TRAPPC9: variants seen among roughly 807,000 people sequenced by gnomAD.
TRAPPC9 encodes the protein trafficking protein particle complex subunit 9.
A neutral mutation model predicts 124.0 loss-of-function variants in TRAPPC9; 83 were observed. The ratio of observed to expected loss-of-function variants is 0.67; its 90% CI spans 0.56 to 0.80. The LOEUF (loss-of-function observed/expected upper bound fraction) is 0.80, where lower values mean the gene tolerates loss of function less well. Ranked by LOEUF, TRAPPC9 falls within the 30% of genes least tolerant of loss-of-function variation. The probability of loss-of-function intolerance (pLI) is 0.00; values close to 1 mark genes in which losing one functional copy is unlikely to be tolerated. For missense variants in TRAPPC9, 1,302 were observed against 1,508.3 expected, an observed-to-expected ratio of 0.86 and a Z score of 2.27; for synonymous variants, 638 against 617.5, an observed-to-expected ratio of 1.03 and a Z score of -0.49.
chr8:139,904,486 C>G (rs61104742), intron 20 of TRAPPC9: 37,547 of 152,152 alleles, frequency 0.25, 4,690 homozygotes, highest in East Asian at 0.36. Context: ...GGGCAAGGGG[C>G]ATTCACCTTT....
chr8:139,877,251 G>A (rs986197398), intron 21 of TRAPPC9, among the ~76,000 whole-genome samples: 2 of 152,246 alleles, frequency 1.3e-5, no homozygotes, highest in African/African-American at 2.4e-5. Flanking sequence ...TGGCACAGTC[G>A]TGGGACACTC....
At chr8:139,773,217 G>A (rs1821107848) in intron 21 of TRAPPC9, among the ~76,000 whole-genome samples, 1 of 152,246 alleles carries the variant, frequency 6.6e-6, no homozygotes. Context: ...GGCGCGCCCA[G>A]GTCTCTGCCT....
At chr8:140,432,425 C>T (rs1207826719) in intron 4 of TRAPPC9, among the ~76,000 whole-genome samples, 1 of 152,166 alleles carries the variant, frequency 6.6e-6, no homozygotes, top group Non-Finnish European at 1.5e-5. Context: ...GAAGAAAACT[C>T]GAGCATCTGG....
At chr8:139,911,098 C>T (rs986240533) in intron 19 of TRAPPC9, 2 of 152,052 alleles carry the variant, frequency 1.3e-5, no homozygotes, top group Non-Finnish European at 2.9e-5. Context: ...TCCCGCAATT[C>T]CCGTGTGTTG....
intron 20 of TRAPPC9, among the ~76,000 whole-genome samples, chr8:139,890,046 C>T (rs556743089): frequency 5.9e-5 from 9 of 152,374 alleles, no homozygotes; most frequent in African/African-American, 1.2e-4. Flanking sequence ...CGGAGGCCGC[C>T]GCCCCGGGCC....
chr8:139,918,300 T>C (rs1832276113), intron 19 of TRAPPC9, among the ~76,000 whole-genome samples: 1 of 152,214 alleles, frequency 6.6e-6, no homozygotes, highest in Admixed American at 6.5e-5. Flanking sequence ...AGGGATGGTG[T>C]GCTCTGAGCA....
intron 7 of TRAPPC9, among the ~76,000 whole-genome samples, chr8:140,379,559 A>G (rs1224760759): frequency 6.6e-6 from 1 of 152,226 alleles, no homozygotes; most frequent in Non-Finnish European, 1.5e-5. Context: ...TTTAAGGTGA[A>G]GCAAACATGC....
chr8:139,792,991 T>C (rs764504116), intron 21 of TRAPPC9, among the ~76,000 whole-genome samples: 8 of 152,296 alleles, frequency 5.3e-5, no homozygotes, highest in Non-Finnish European at 1.0e-4. Flanking sequence ...CCCACAGGAC[T>C]AGCTTGCCAC....
chr8:140,419,906 G>A (rs754617770), intron 5 of TRAPPC9, among the ~76,000 whole-genome samples: 11 of 151,926 alleles, frequency 7.2e-5, no homozygotes, highest in Non-Finnish European at 1.5e-4. Context: ...GAGAAACGAT[G>A]AAAAACTCTG....
At position 140,116,659 on chromosome 8, in the gene TRAPPC9, T is replaced by A. The variant is rs951376724; in HGVS notation, c.2557-92580A>T. Among the ~76,000 whole-genome samples the A allele has an allele frequency of 3.3e-5, 5 of 152,208 alleles. No homozygotes were observed. The East Asian group carries it at 9.6e-4, about 29-fold the overall frequency. ...GCTATTGTGTTTTAAAGACAATAAA[T>A]GCTTGCTGTGGTTTTGAGAAGTAAC... On this transcript the variant is annotated intron_variant, in intron 17 of 22. Transcript: ENST00000438773.
intron 17 of TRAPPC9, among the ~76,000 whole-genome samples, chr8:140,081,362 T>TG (rs1216037620): frequency 6.6e-6 from 1 of 151,378 alleles, no homozygotes; most frequent in East Asian, 1.9e-4. Context: ...TTTTTTTTTT[T>TG]TGAGACAGAG....
At chr8:139,998,948 C>T (rs538172701) in intron 18 of TRAPPC9, among the ~76,000 whole-genome samples, 1 of 152,170 alleles carries the variant, frequency 6.6e-6, no homozygotes, top group African/African-American at 2.4e-5. Flanking sequence ...ACTTATTATA[C>T]TCCCTAGAGA....
chr8:139,863,519 G>C (rs1407244872), intron 21 of TRAPPC9, among the ~76,000 whole-genome samples: 2 of 152,228 alleles, frequency 1.3e-5, no homozygotes, highest in Non-Finnish European at 2.9e-5. Flanking sequence ...CTTGAGCACT[G>C]TAACAGGTCA....
At chr8:140,095,145 C>T (rs762571475) in intron 17 of TRAPPC9, 1 of 152,258 alleles carries the variant, frequency 6.6e-6, no homozygotes, top group Non-Finnish European at 1.5e-5. Flanking sequence ...GCAGCAAGGA[C>T]CCCCTGAGAC....
At chr8:140,370,197 T>A (rs1020638335) in intron 8 of TRAPPC9, among the ~76,000 whole-genome samples, 3 of 151,992 alleles carry the variant, frequency 2.0e-5, no homozygotes, top group Admixed American at 1.3e-4. Context: ...TGGAGTGCAG[T>A]AGCACGATCC....
chr8:139,810,136 C>T (rs1824338727), intron 21 of TRAPPC9, among the ~76,000 whole-genome samples: 1 of 152,052 alleles, frequency 6.6e-6, no homozygotes, highest in African/African-American at 2.4e-5. Context: ...TATGAAGCCA[C>T]CAGGAAGAGG....
intron 17 of TRAPPC9, 22 bp downstream of exon 17, chr8:140,221,437 G>A (rs753639376): frequency 6.2e-7 from 1 of 1,613,706 alleles, no homozygotes; most frequent in Non-Finnish European, 8.5e-7. Flanking sequence ...CGTGGCAGAT[G>A]CCGTCTGCCA....
At chr8:140,393,469 G>T (rs1588273655) in intron 7 of TRAPPC9, among the ~76,000 whole-genome samples, 1 of 152,086 alleles carries the variant, frequency 6.6e-6, no homozygotes, top group African/African-American at 2.4e-5. Context: ...AATTATCTTA[G>T]ATAGATAATT....
rs1280543886 is a variant in TRAPPC9, at chr8:140,279,233, C to CAA, written c.2115-3413_2115-3412insTT. On this transcript the variant is annotated intron_variant, in intron 14 of 22. Transcript: ENST00000438773. ...TTGACTCTAGTTAGTCTGAGTACCT[C>CAA]CTTCCAGACTGAGAGCTCATACAAG... is the stretch of plus-strand genomic sequence containing the variant. Among the ~76,000 whole-genome samples, 4 of 152,352 alleles carry CAA rather than the reference C, an allele frequency of 2.6e-5. No homozygotes were observed. The East Asian group carries it at 7.7e-4, about 29-fold the overall frequency.
Sources: gnomAD v4.1 joint callset for allele counts (sites outside exome capture counted in the v4.1 genomes callset) on GRCh38, gnomAD v4.1.1 for gene constraint, MANE v1.5 for transcripts, NCBI Gene and HGNC (gene_info 2026-07-23, HGNC 2026-07-21) for gene names.